DOCK3: variants seen among roughly 807,000 people sequenced by gnomAD.
DOCK3 encodes dedicator of cytokinesis protein 3.
A neutral mutation model predicts 265.6 loss-of-function variants in DOCK3; 60 were observed. The observed-to-expected ratio is 0.23, with a 90% CI of 0.18 to 0.28. DOCK3 has a LOEUF of 0.28. Among genes scored for constraint, DOCK3 ranks in the 10% least tolerant of loss-of-function variants. The pLI, the probability that DOCK3 is intolerant of heterozygous loss-of-function variation, is 1.00. For synonymous variants in DOCK3, 881 were observed against 938.0 expected, an observed-to-expected ratio of 0.94 and a Z score of 1.11; for missense variants, 1,981 against 2,594.3, an observed-to-expected ratio of 0.76 and a Z score of 5.14.
chr3:50,922,769 T>A (rs946887949), intron 4 of DOCK3, among the ~76,000 whole-genome samples: 10 of 150,968 alleles, frequency 6.6e-5, no homozygotes, highest in African/African-American at 9.7e-5. Flanking sequence ...TTTTTTTTTT[T>A]AATTTTTTTC....
intron 3 of DOCK3, among the ~76,000 whole-genome samples, chr3:50,878,478 C>G (rs549730162): frequency 6.6e-6 from 1 of 152,142 alleles, no homozygotes; most frequent in South Asian, 2.1e-4. Flanking sequence ...AACGATGTGA[C>G]GCATGCACAA....
At position 50,921,047 on chromosome 3, in the gene DOCK3, A is replaced by C. The variant is rs1420972048; in HGVS notation, c.219-12934A>C. ...GGAGCAGGTTGTTCAGTTTTCATGT[A>C]GTTGAGCAGTTTAGAGTGAGTTTCT... is the stretch of plus-strand genomic sequence containing the variant. On this transcript the variant is annotated intron_variant, in intron 4 of 52. Coordinates refer to ENST00000266037, the MANE Select transcript of DOCK3 (RefSeq NM_004947.5). Among the ~76,000 whole-genome samples the C allele has an allele frequency of 3.3e-5, 5 of 152,314 alleles. No individual in the cohort carries two copies. In the East Asian group the frequency reaches 9.7e-4, roughly 29 times the overall value.
At chr3:50,963,506 T>G (rs997187017) in intron 5 of DOCK3, among the ~76,000 whole-genome samples, 4 of 152,202 alleles carry the variant, frequency 2.6e-5, no homozygotes, top group Non-Finnish European at 5.9e-5. Context: ...TATCTGAGAA[T>G]ATAAACTTGA....
chr3:51,348,503 T>A (rs1312683761), intron 38 of DOCK3, among the ~76,000 whole-genome samples: 1 of 152,250 alleles, frequency 6.6e-6, no homozygotes, highest in African/African-American at 2.4e-5. Context: ...CTGTTTCTCA[T>A]CTGATTGAGA....
chr3:50,860,315 C>T (rs1362888801), intron 3 of DOCK3, among the ~76,000 whole-genome samples: 1 of 152,198 alleles, frequency 6.6e-6, no homozygotes, highest in Non-Finnish European at 1.5e-5. Flanking sequence ...GAGAGGCTTT[C>T]AGATGCCCCT....
At chr3:51,297,354 A>C (rs536502154) in intron 27 of DOCK3, among the ~76,000 whole-genome samples, 1 of 152,190 alleles carries the variant, frequency 6.6e-6, no homozygotes, top group Non-Finnish European at 1.5e-5. Flanking sequence ...TTCATCACAC[A>C]AAGTTAAAAA....
At chr3:50,979,638 C>G (rs1451836747) in intron 5 of DOCK3, among the ~76,000 whole-genome samples, 1 of 152,120 alleles carries the variant, frequency 6.6e-6, no homozygotes, top group East Asian at 1.9e-4. Context: ...CTTGTGCAGC[C>G]TGCAGAACCA....
intron 1 of DOCK3, among the ~76,000 whole-genome samples, chr3:50,771,722 G>A (rs35517507): frequency 0.094 from 14,328 of 152,108 alleles, 820 homozygotes; most frequent in Non-Finnish European, 0.12. Context: ...GTGGTGGCGG[G>A]CGCCTGTAGT....
intron 5 of DOCK3, among the ~76,000 whole-genome samples, chr3:51,039,683 G>A (rs942772329): frequency 1.3e-5 from 2 of 151,384 alleles, no homozygotes; most frequent in African/African-American, 4.9e-5. Context: ...TTCTTGATTT[G>A]TAGCAATTCC....
At chr3:50,775,374 A>C (rs1302184782) in intron 1 of DOCK3, among the ~76,000 whole-genome samples, 2 of 152,034 alleles carry the variant, frequency 1.3e-5, no homozygotes, top group African/African-American at 4.8e-5. Context: ...TTCGTCTCCC[A>C]TGGAAAATTT....
intron 5 of DOCK3, among the ~76,000 whole-genome samples, chr3:51,056,158 T>A (rs750982943): frequency 6.6e-6 from 1 of 152,280 alleles, no homozygotes; most frequent in Non-Finnish European, 1.5e-5. Flanking sequence ...AAAATTTCTA[T>A]CTTTTGTACT....
chr3:50,728,516 G>C (rs1339686498), intron 1 of DOCK3, among the ~76,000 whole-genome samples: 1 of 152,064 alleles, frequency 6.6e-6, no homozygotes, highest in East Asian at 1.9e-4. Flanking sequence ...AAAGCCTAAA[G>C]TGGTTTTTTG....
chr3:51,285,937 A>T (rs2081380896), intron 27 of DOCK3, among the ~76,000 whole-genome samples: 1 of 152,162 alleles, frequency 6.6e-6, no homozygotes, highest in African/African-American at 2.4e-5. Flanking sequence ...TCCATCTCAA[A>T]TGAAAAAAGA....
chr3:51,198,157 T>C (rs566900494), intron 12 of DOCK3, among the ~76,000 whole-genome samples: 2 of 152,244 alleles, frequency 1.3e-5, no homozygotes, highest in Non-Finnish European at 2.9e-5. Flanking sequence ...TTGAAAATGA[T>C]GCCTTGCTCC....
chr3:51,293,612 T>C (rs1347897201), intron 27 of DOCK3, among the ~76,000 whole-genome samples: 2 of 152,070 alleles, frequency 1.3e-5, no homozygotes, highest in East Asian at 1.9e-4. Flanking sequence ...AAATAGAAAA[T>C]GGGATTGCAT....
rs544306855 is a variant in DOCK3, at chr3:50,750,577, C to T, written c.38-28098C>T. Reference sequence around the variant, plus strand: ...TCTCTTGACCTCATGATCTGCCTGCCTTGGCCTCCCAAAGTGCTGGGATTA... The same window carrying T: ...TCTCTTGACCTCATGATCTGCCTGCTTTGGCCTCCCAAAGTGCTGGGATTA... On this transcript the variant is annotated intron_variant, in intron 1 of 52. Transcript: ENST00000266037. 3.3e-5 allele frequency among the ~76,000 whole-genome samples: 5 copies of T among 152,276 alleles called. No homozygotes were observed. In the South Asian group the frequency reaches 1.0e-3, roughly 32 times the overall value.
At chr3:51,134,632 A>G (rs775404817) in intron 9 of DOCK3, among the ~76,000 whole-genome samples, 4 of 152,178 alleles carry the variant, frequency 2.6e-5, no homozygotes, top group Non-Finnish European at 4.4e-5. Context: ...GGTAATAGGA[A>G]TCCTGGAGAT....
intron 1 of DOCK3, among the ~76,000 whole-genome samples, chr3:50,762,640 G>A (rs1398827830): frequency 6.6e-6 from 1 of 151,948 alleles, no homozygotes; most frequent in Non-Finnish European, 1.5e-5. Flanking sequence ...ATCTTATAAA[G>A]CATTCAGTTT....
intron 1 of DOCK3, among the ~76,000 whole-genome samples, chr3:50,757,319 G>A (rs1312161031): frequency 1.3e-5 from 2 of 151,602 alleles, no homozygotes; most frequent in Admixed American, 6.6e-5. Flanking sequence ...TTACAGGCGC[G>A]CATCACCATG....
Sources: allele counts gnomAD v4.1 joint callset (sites outside exome capture counted in the v4.1 genomes callset), GRCh38; gene constraint gnomAD v4.1.1; transcripts MANE v1.5; gene names NCBI Gene and HGNC (gene_info 2026-07-23, HGNC 2026-07-21).